DNAJC17: variants seen among roughly 807,000 people sequenced by gnomAD.
DNAJC17 encodes the protein dnaJ homolog subfamily C member 17.
DNAJC17 carries 35 observed loss-of-function variants against 48.1 expected under a neutral mutation model. That is an observed-to-expected ratio of 0.73 (90% CI 0.56 to 0.96). DNAJC17 has a LOEUF of 0.96. Among genes scored for constraint, DNAJC17 ranks in the 50% least tolerant of loss-of-function variants. DNAJC17 has a pLI of 0.00. For synonymous variants in DNAJC17, 117 were observed against 142.7 expected, an observed-to-expected ratio of 0.82 and a Z score of 1.28; for missense variants, 355 against 377.1, an observed-to-expected ratio of 0.94 and a Z score of 0.48.
chr15:40,806,275 G>GTGGTGCAA (rs1890220887), intron 1 of DNAJC17, among the ~76,000 whole-genome samples: 1 of 146,040 alleles, frequency 6.8e-6, no homozygotes. Context: ...CTGGAGTGCA[G>GTGGTGCAA]TGGTGCAATC....
chr15:40,798,416 T>C (rs1186919878), intron 1 of DNAJC17, among the ~76,000 whole-genome samples: 1 of 152,120 alleles, frequency 6.6e-6, no homozygotes, highest in East Asian at 1.9e-4. Flanking sequence ...GTTGTAGAGA[T>C]GGATGGTGGT....
Position 40,767,884 on chromosome 15 carries a change from AAAT to A in DNAJC17, c.*53_*55del. On this transcript the variant is annotated 3_prime_UTR_variant, in exon 11 of 11. Transcript: ENST00000220496. ...AGAGGTAAAATCTTAAAAAAAAAAAAAATTTATTGGTGACGTTGAAGAAAAGGG... is the reference window on the plus strand; with the variant it reads ...AGAGGTAAAATCTTAAAAAAAAAAAATTATTGGTGACGTTGAAGAAAAGGG... The A allele has an allele frequency of 1.3e-6, 2 of 1,589,954 alleles. No homozygotes were observed. Among genetic ancestry groups the A allele is most frequent in the Non-Finnish European group, 1.7e-6 (2 of 1,173,692 alleles).
chr15:40,777,714 G>C (rs368790948), intron 4 of DNAJC17, among the ~76,000 whole-genome samples: 1 of 147,174 alleles, frequency 6.8e-6, no homozygotes, highest in African/African-American at 2.5e-5. Flanking sequence ...GCGAAACTCC[G>C]TTTAAGAAAA....
At chr15:40,775,873 G>C (rs1054230650) in intron 6 of DNAJC17, among the ~76,000 whole-genome samples, 2 of 152,168 alleles carry the variant, frequency 1.3e-5, no homozygotes, top group African/African-American at 2.4e-5. Context: ...AGGAGGCAGA[G>C]AGACAGACCA....
chr15:40,800,603 C>A (rs372580299), intron 1 of DNAJC17, among the ~76,000 whole-genome samples: 5 of 150,642 alleles, frequency 3.3e-5, no homozygotes, highest in African/African-American at 7.3e-5. Context: ...ATTTTTTAAC[C>A]GAGTTGTTTT....
chr15:40,804,414 G>GA (rs113627118), intron 1 of DNAJC17, among the ~76,000 whole-genome samples: 6,969 of 136,120 alleles, frequency 0.051, 538 homozygotes, highest in African/African-American at 0.17. Context: ...CCCGTCTCTG[G>GA]AAAAAAAAAA....
rs1467569262 is a variant in DNAJC17 at position 40,770,834 on chromosome 15, GCTCT to G, written c.793-2776_793-2773del. The G allele has an allele frequency of 5.8e-6, 9 of 1,551,100 alleles. No individual in the cohort carries two copies. Among genetic ancestry groups the G allele is most frequent in the African/African-American group, 4.1e-5 (3 of 73,014 alleles). On this transcript the variant is annotated intron_variant, in intron 10 of 10. Coordinates refer to ENST00000220496, the MANE Select transcript of DNAJC17 (RefSeq NM_018163.3). The surrounding 1 kb of genome is among the most constrained non-coding windows in gnomAD (Gnocchi z 5.0). ...CCTACTCTGCCACCCTGCCATCGGC[GCTCT>G]CTCTGTCGAGTGCCCTCCACCAGCA...
Position 40,767,032 on chromosome 15 carries a change from G to A in DNAJC17, c.*908C>T. 2.2e-6 allele frequency: 1 copy of A among 456,418 alleles called. No individual in the cohort carries two copies. The highest frequency in any genetic ancestry group is 3.8e-6 in the Non-Finnish European group (1 of 264,012). The allele number at this position is 456,418 out of a possible 1,614,324, so 28.3% of individuals were successfully genotyped here. ...GGCACCTTCACTAGCTTGTTGGGAA[G>A]AATAAATGAGATAGCTCGTGAAGTA... On this transcript the variant is annotated 3_prime_UTR_variant, in exon 11 of 11. Transcript: ENST00000220496.
At chr15:40,781,033 C>G (rs1417221508) in intron 1 of DNAJC17, among the ~76,000 whole-genome samples, 1 of 148,172 alleles carries the variant, frequency 6.7e-6, no homozygotes, top group African/African-American at 2.5e-5. Flanking sequence ...CCTGTAATCC[C>G]CCTACTTGGG....
At position 40,779,975 on chromosome 15, in the gene DNAJC17, T is replaced by G. The variant is rs1224753222; in HGVS notation, c.101A>C (p.Lys34Thr). 6.2e-7 allele frequency: 1 copy of G among 1,614,144 alleles called. No individual in the cohort carries two copies. Among genetic ancestry groups the G allele is most frequent in the Admixed American group, 1.7e-5 (1 of 60,012 alleles). Reference sequence around the variant, plus strand: ...TTTGTCTGGGTGGCAGGAGAGGGCCTTCTGCCTATACGCCTTCTTTACCTG... The same window carrying G: ...TTTGTCTGGGTGGCAGGAGAGGGCCGTCTGCCTATACGCCTTCTTTACCTG... ...DKEVKKAYRQ[K>T]ALSCHPDKNP... The change falls in exon 2 of 11, where the codon AAG (lysine) becomes ACG (threonine). Residue 34 changes from lysine (K) to threonine (T), a missense_variant. Lys to Thr is a moderately conservative substitution (Grantham distance 78). Around this residue, in one of 3 missense-constraint regions of DNAJC17, gnomAD observed 199 missense variants for 199.9 expected, o/e 1.00. Transcript: ENST00000220496.
intron 1 of DNAJC17, among the ~76,000 whole-genome samples, chr15:40,782,647 T>C (rs1889534502): frequency 6.6e-6 from 1 of 152,030 alleles, no homozygotes; most frequent in Non-Finnish European, 1.5e-5. Context: ...AGATTGGATT[T>C]CTAAGCTTCC....
chr15:40,776,696 G>A, intron 4 of DNAJC17, 69 bp from the exon 5 acceptor site: 3 of 1,518,544 alleles, frequency 2.0e-6, no homozygotes, highest in South Asian at 2.3e-5. Flanking sequence ...GCCCACCCCA[G>A]CTCTGGCTGC....
At chr15:40,806,301 C>T (rs1208333120) in intron 1 of DNAJC17, among the ~76,000 whole-genome samples, 2 of 150,216 alleles carry the variant, frequency 1.3e-5, no homozygotes, top group Non-Finnish European at 3.0e-5. Context: ...TCACTGCAAC[C>T]TCCGCCTCCC....
chr15:40,798,424 G>T (rs1370345085), intron 1 of DNAJC17, among the ~76,000 whole-genome samples: 2 of 152,160 alleles, frequency 1.3e-5, no homozygotes, highest in African/African-American at 4.8e-5. Context: ...GATGGATGGT[G>T]GTGATGGCTG....
At chr15:40,783,916 G>A (rs2141954506) in intron 1 of DNAJC17, among the ~76,000 whole-genome samples, 1 of 152,088 alleles carries the variant, frequency 6.6e-6, no homozygotes, top group East Asian at 1.9e-4. Context: ...GAGAGGGGGA[G>A]TAGAAGTGAG....
chr15:40,775,374 C>T (rs73398526), intron 7 of DNAJC17, 179 bp downstream of exon 7: 4 of 792,036 alleles, frequency 5.1e-6, no homozygotes, highest in Admixed American at 2.2e-5. Flanking sequence ...CTAAAAGCAG[C>T]CTTTCGTGGC....
chr15:40,774,270 A>G, intron 9 of DNAJC17, 86 bp downstream of exon 9: 1 of 1,466,534 alleles, frequency 6.8e-7, no homozygotes, highest in East Asian at 2.3e-5. Context: ...AGTGCAGACC[A>G]CCTAACTCAG....
At chr15:40,788,695 CAAA>C (rs34840348) in intron 1 of DNAJC17, among the ~76,000 whole-genome samples, 16 of 116,794 alleles carry the variant, frequency 1.4e-4, no homozygotes, top group Non-Finnish European at 1.1e-4. Flanking sequence ...GACTCTGTCT[CAAA>C]AAAAAAAAAA....
chr15:40,788,231 C>G (rs745593586), intron 1 of DNAJC17, among the ~76,000 whole-genome samples: 15 of 152,274 alleles, frequency 9.9e-5, no homozygotes, highest in Non-Finnish European at 8.8e-5. Flanking sequence ...TGATGTCACA[C>G]GCAGGAAGCA....
Sources: allele counts gnomAD v4.1 joint callset (sites outside exome capture counted in the v4.1 genomes callset), GRCh38; gene constraint gnomAD v4.1.1; regional missense constraint gnomAD v4.1.1; non-coding constraint Gnocchi (gnomAD v3.1); transcripts MANE v1.5; gene names NCBI Gene and HGNC (gene_info 2026-07-23, HGNC 2026-07-21).